LRSAM1: variants seen among roughly 807,000 people sequenced by gnomAD.
LRSAM1 encodes E3 ubiquitin-protein ligase LRSAM1.
LRSAM1 carries 96 observed loss-of-function variants against 118.1 expected under a neutral mutation model. The ratio of observed to expected loss-of-function variants is 0.81; its 90% CI spans 0.69 to 0.96. The LOEUF (loss-of-function observed/expected upper bound fraction) is 0.96, where lower values mean the gene tolerates loss of function less well. Ranked by LOEUF, LRSAM1 falls within the 40% of genes least tolerant of loss-of-function variation. The probability of loss-of-function intolerance (pLI) is 0.00; values close to 1 mark genes in which losing one functional copy is unlikely to be tolerated. For missense variants in LRSAM1, 804 were observed against 915.5 expected (o/e 0.88, Z 1.57); for synonymous variants, 322 against 364.2 (o/e 0.88, Z 1.32).
chr9:127,454,471 C>G (rs1588090149), intron 2 of LRSAM1, 25 bp from the exon 3 acceptor site: 1 of 1,588,542 alleles, frequency 6.3e-7, no homozygotes, highest in Non-Finnish European at 8.6e-7. Context: ...ATTCCCCAGT[C>G]CCTAACTTCT....
At chr9:127,490,653 A>G (rs535790080) in intron 19 of LRSAM1, among the ~76,000 whole-genome samples, 2 of 152,310 alleles carry the variant, frequency 1.3e-5, no homozygotes, top group South Asian at 4.1e-4. Context: ...TTTCTTGTCT[A>G]TAAAATGGAG....
chr9:127,454,672 GC>G (rs1012444161), intron 3 of LRSAM1, 73 bp downstream of exon 3: 2 of 1,442,136 alleles, frequency 1.4e-6, no homozygotes, highest in African/African-American at 1.4e-5. Context: ...CCTCCGCACT[GC>G]CCCCAACAAG....
Position 127,482,183 on chromosome 9 carries a change from C to T in LRSAM1, c.1089-767C>T, listed in dbSNP as rs369040356. On this transcript the variant is annotated intron_variant, in intron 15 of 25. Coordinates refer to ENST00000300417, the MANE Select transcript of LRSAM1 (RefSeq NM_001005373.4). ...TTTGAGACGGAGTCTCACTCTGTCA[C>T]CCAGGCTGGAGTGCAGTGGCACGAT... is the stretch of plus-strand genomic sequence containing the variant. Among the ~76,000 whole-genome samples the T allele has an allele frequency of 2.9e-4, 43 of 146,158 alleles. No individual in the cohort carries two copies. The East Asian group carries it at 7.1e-3, about 24-fold the overall frequency.
chr9:127,496,510 G>A (rs1836150711), intron 23 of LRSAM1, among the ~76,000 whole-genome samples: 1 of 152,200 alleles, frequency 6.6e-6, no homozygotes, highest in African/African-American at 2.4e-5. Flanking sequence ...CTTCAAAACA[G>A]AATACTCATC....
At chr9:127,479,359 G>A in intron 12 of LRSAM1, 24 bp from the exon 13 acceptor site, 1 of 1,614,050 alleles carries the variant, frequency 6.2e-7, no homozygotes, top group Non-Finnish European at 8.5e-7. Flanking sequence ...TGTGCTGACA[G>A]TCACCAGGAT....
rs115663276 is a variant in LRSAM1 at position 127,498,492 on chromosome 9, C to A, written c.1912+1158C>A. Reference sequence around the variant, plus strand: ...CTGAGTGGGGTGCAGTGCCTCTGAGCCCAGCAGTCCTCAGGACCGGCTGCT... The same window carrying A: ...CTGAGTGGGGTGCAGTGCCTCTGAGACCAGCAGTCCTCAGGACCGGCTGCT... On this transcript the variant is annotated intron_variant, in intron 24 of 25. Coordinates refer to ENST00000300417, the MANE Select transcript of LRSAM1 (RefSeq NM_001005373.4). Among the ~76,000 whole-genome samples the A allele has an allele frequency of 2.3e-3, 357 of 152,244 alleles. 3 individuals carry two copies. Among genetic ancestry groups the A allele is most frequent in the African/African-American group, 8.2e-3 (339 of 41,548 alleles).
intron 21 of LRSAM1, 30 bp downstream of exon 21, chr9:127,492,927 A>G (rs1304202145): frequency 6.3e-7 from 1 of 1,588,752 alleles, no homozygotes; most frequent in East Asian, 2.2e-5. Context: ...GCTCAGCATC[A>G]CACAGGCATT....
chr9:127,478,100 T>C (rs1333898045), intron 11 of LRSAM1, among the ~76,000 whole-genome samples: 1 of 151,910 alleles, frequency 6.6e-6, no homozygotes, highest in Non-Finnish European at 1.5e-5. Flanking sequence ...TATATGTGTA[T>C]TGCTGTTTAA....
intron 16 of LRSAM1, 93 bp from the exon 17 acceptor site, chr9:127,485,643 C>A: frequency 8.6e-7 from 1 of 1,160,258 alleles, no homozygotes; most frequent in Non-Finnish European, 1.3e-6. Flanking sequence ...AAGGCCTGTT[C>A]CTCAGTTCCT....
chr9:127,461,164 CTT>C lies in LRSAM1; in HGVS notation c.322-7_322-6del, dbSNP rs770785162. ...CCACTGCGCCTGGCTGCCTCTTCCT[CTT>C]TCTTAGGTCTTAAACGTGGAAAGGA... On this transcript the variant is annotated splice_polypyrimidine_tract_variant and splice_region_variant and intron_variant, in intron 7 of 25. Transcript: ENST00000300417. 2 of 1,608,140 alleles carry C rather than the reference CTT, an allele frequency of 1.2e-6. No homozygotes were observed. The highest frequency in any genetic ancestry group is 4.5e-5 in the East Asian group (2 of 44,662).
Position 127,479,960 on chromosome 9 carries a change from T to G in LRSAM1, c.1025T>G (p.Leu342Arg). ...AACATTTCCAGCCGGATCCAGAAGC[T>G]GCTGCAGGACAATCAGAGGTTGGGC... The part of the protein sequence containing the change: ...EQNISSRIQK[L>R]LQDNQRQKKS... Residue 342 changes from leucine (L) to arginine (R), a missense_variant, in exon 14 of 26, where the codon CTG becomes CGG. Coordinates refer to ENST00000300417, the MANE Select transcript of LRSAM1 (RefSeq NM_001005373.4). 1 of 1,614,182 alleles carries G rather than the reference T, an allele frequency of 6.2e-7. No individual in the cohort carries two copies. Among genetic ancestry groups the G allele is most frequent in the Non-Finnish European group, 8.5e-7 (1 of 1,180,028 alleles).
At chr9:127,454,791 ACT>A (rs1834455325) in intron 3 of LRSAM1, among the ~76,000 whole-genome samples, 192 bp downstream of exon 3, 1 of 152,116 alleles carries the variant, frequency 6.6e-6, no homozygotes, top group African/African-American at 2.4e-5. Context: ...GACTGAGCGC[ACT>A]GTCATTGCTT....
intron 6 of LRSAM1, 45 bp from the exon 7 acceptor site, chr9:127,458,957 GA>G: frequency 1.9e-6 from 3 of 1,606,600 alleles, no homozygotes; most frequent in Non-Finnish European, 1.7e-6. Context: ...CCCGGAGTCT[GA>G]GGGACTTTCT....
chr9:127,455,661 G>A, intron 5 of LRSAM1, 41 bp downstream of exon 5: 2 of 1,603,776 alleles, frequency 1.2e-6, no homozygotes, highest in Non-Finnish European at 1.7e-6. Context: ...CTTGTTGCAT[G>A]TCTGCTTGTT....
intron 24 of LRSAM1, among the ~76,000 whole-genome samples, chr9:127,499,658 C>T (rs566042365): frequency 4.6e-5 from 7 of 151,958 alleles, no homozygotes; most frequent in Admixed American, 1.3e-4. Flanking sequence ...TGGCCGGGTG[C>T]GGTGCCTCAC....
Position 127,495,334 on chromosome 9 carries a change from C to T in LRSAM1, c.1614C>T (p.Ala538=). 6.2e-7 allele frequency: 1 copy of T among 1,614,012 alleles called. No homozygotes were observed. The highest frequency in any genetic ancestry group is 8.5e-7 in the Non-Finnish European group (1 of 1,179,982). Residue 538 remains alanine, a synonymous_variant, in exon 22 of 26, where the codon GCC becomes GCT. Transcript: ENST00000300417. ...ATTCCTGGCAGACGGAGTTAGAAGC[C>T]AAAAGTGAAACCAGGCAGGAAAATT... ...ELREILTELE[A]KSETRQENYW...
In LRSAM1 at chr9:127,457,290, G is replaced by A. The variant is rs372890516; in HGVS notation, c.175-26G>A. On this transcript the variant is annotated intron_variant, in intron 5 of 25. Coordinates refer to ENST00000300417, the MANE Select transcript of LRSAM1 (RefSeq NM_001005373.4). ...CTGCCTGCTGCTCTTCCTCAGCCCA[G>A]CATGGCCGCACATCTCTCCACACAG... 26 of 1,613,284 alleles carry A rather than the reference G, an allele frequency of 1.6e-5. No homozygotes were observed. In the African/African-American group the frequency reaches 3.5e-4, roughly 22 times the overall value.
In LRSAM1 at chr9:127,467,779, C is replaced by T. The variant is rs767583106; in HGVS notation, c.568C>T (p.Arg190Trp). The T allele has an allele frequency of 2.1e-5, 34 of 1,610,646 alleles. No individual in the cohort carries two copies. The East Asian group carries it at 5.4e-4, about 25-fold the overall frequency. ...CGCCTCGGCCATGGTCTACCCGCCGCGGGAGGTGTGTGGTGCCGGCACTGC... is the reference window on the plus strand; with the variant it reads ...CGCCTCGGCCATGGTCTACCCGCCGTGGGAGGTGTGTGGTGCCGGCACTGC... Reference protein sequence around the residue: ...LDASAMVYPPREVCGAGTAAI... With the variant: ...LDASAMVYPPWEVCGAGTAAI... Residue 190 changes from arginine to tryptophan, a missense_variant, in exon 10 of 26, where the codon CGG becomes TGG. Physicochemically the swap from Arg to Trp is moderately radical, Grantham distance 101. Transcript: ENST00000300417.
chr9:127,463,765 G>T (rs537888650), intron 9 of LRSAM1, among the ~76,000 whole-genome samples: 1 of 152,162 alleles, frequency 6.6e-6, no homozygotes, highest in Non-Finnish European at 1.5e-5. Flanking sequence ...AGCTGCTCAC[G>T]GAAAGCAGCT....
Sources: allele counts gnomAD v4.1 joint callset (sites outside exome capture counted in the v4.1 genomes callset), GRCh38; gene constraint gnomAD v4.1.1; transcripts MANE v1.5; gene names NCBI Gene and HGNC (gene_info 2026-07-23, HGNC 2026-07-21).